The following LRP1B variants were observed in gnomAD, a reference collection of about 807,000 sequenced individuals.
LRP1B encodes the protein low-density lipoprotein receptor-related protein 1B.
In LRP1B, 217 loss-of-function variants were observed where a neutral mutation model predicts 556.6. The observed-to-expected ratio is 0.39, with a 90% confidence interval of 0.35 to 0.44. The LOEUF is 0.44. LRP1B is among the 20% of genes least tolerant of loss of function. The pLI, the probability that LRP1B is intolerant of heterozygous loss-of-function variation, is 1.00. For missense variants in LRP1B, 5,053 were observed against 5,620.8 expected, an observed-to-expected ratio of 0.90 and a Z score of 3.23; for synonymous variants, 2,047 against 1,865.8, an observed-to-expected ratio of 1.10 and a Z score of -2.50.
At chr2:140,348,490 T>C (rs1312349189) in intron 77 of LRP1B, among the ~76,000 whole-genome samples, 2 of 152,092 alleles carry the variant, frequency 1.3e-5, no homozygotes, top group African/African-American at 4.8e-5. Context: ...GCACTCCTAC[T>C]GTTATGCATT....
At chr2:141,544,210 TC>T (rs1685372218) in intron 2 of LRP1B, among the ~76,000 whole-genome samples, 1 of 152,100 alleles carries the variant, frequency 6.6e-6, no homozygotes, top group African/African-American at 2.4e-5. Context: ...ATAGGTCTAG[TC>T]ATCATAATTT....
At chr2:140,721,970 G>C (rs907740409) in intron 35 of LRP1B, among the ~76,000 whole-genome samples, 1 of 151,986 alleles carries the variant, frequency 6.6e-6, no homozygotes, top group Non-Finnish European at 1.5e-5. Context: ...CCACTACCTT[G>C]ATCAAGATAT....
chr2:140,378,096 G>T, intron 68 of LRP1B, 84 bp downstream of exon 68: 2 of 868,650 alleles, frequency 2.3e-6, no homozygotes, highest in Non-Finnish European at 3.7e-6. Flanking sequence ...AGCTGTCCTT[G>T]CCGCACTTAT....
At chr2:140,836,780 A>G (rs866330051) in intron 31 of LRP1B, among the ~76,000 whole-genome samples, 2 of 152,210 alleles carry the variant, frequency 1.3e-5, no homozygotes, top group Admixed American at 6.5e-5. Flanking sequence ...TTGCATTTAT[A>G]TATGGACAAC....
intron 18 of LRP1B, among the ~76,000 whole-genome samples, chr2:140,953,886 C>G (rs1458658823): frequency 2.0e-5 from 3 of 152,180 alleles, no homozygotes. Context: ...ATCCAGCACT[C>G]TTTGTACTAC....
At chr2:140,575,656 G>T (rs886391515) in intron 43 of LRP1B, among the ~76,000 whole-genome samples, 2 of 152,100 alleles carry the variant, frequency 1.3e-5, no homozygotes. Flanking sequence ...GGGCGCTGTG[G>T]TTCATGCCTG....
At chr2:141,637,510 A>G (rs893573967) in intron 2 of LRP1B, among the ~76,000 whole-genome samples, 1 of 152,192 alleles carries the variant, frequency 6.6e-6, no homozygotes, top group African/African-American at 2.4e-5. Context: ...TCTGCTATTT[A>G]TATTTTGAAA....
chr2:141,529,110 G>T (rs1327750031), intron 2 of LRP1B, among the ~76,000 whole-genome samples: 1 of 152,182 alleles, frequency 6.6e-6, no homozygotes, highest in Non-Finnish European at 1.5e-5. Flanking sequence ...GTGAAGCCTG[G>T]CCTGTGGCCT....
chr2:141,451,623 C>T (rs7597816), intron 3 of LRP1B, among the ~76,000 whole-genome samples: 47 of 151,932 alleles, frequency 3.1e-4, no homozygotes, highest in African/African-American at 1.0e-3. Flanking sequence ...AGAAGTTATA[C>T]GTTATAAAAA....
intron 20 of LRP1B, among the ~76,000 whole-genome samples, chr2:140,939,805 AT>A (rs200339434): frequency 0.031 from 4,694 of 151,770 alleles, 116 homozygotes; most frequent in Middle Eastern, 0.062. Context: ...TTTAGTTGCA[AT>A]TAGAAAATAC....
At position 141,229,445 on chromosome 2, in the gene LRP1B, A is replaced by T; in HGVS notation, c.593-5T>A. The T allele has an allele frequency of 6.6e-7, 1 of 1,526,270 alleles. No homozygotes were observed. Among genetic ancestry groups the T allele is most frequent in the Non-Finnish European group, 8.9e-7 (1 of 1,118,012 alleles). 94.5% of individuals were successfully genotyped at this position (1,526,270 alleles called of 1,614,324 possible). On this transcript the variant is annotated splice_region_variant and splice_polypyrimidine_tract_variant and intron_variant, in intron 5 of 90. Transcript: ENST00000389484. ...TAGGTGGTCTATCTGTAGGTTCTGG[A>T]ATAAAATAGAAAAAGAGAAGTAAAT...
chr2:141,642,061 T>C (rs1013163160), intron 2 of LRP1B, among the ~76,000 whole-genome samples: 1 of 152,112 alleles, frequency 6.6e-6, no homozygotes, highest in Non-Finnish European at 1.5e-5. Context: ...ATTTCCGCTC[T>C]GCCATTTACT....
At chr2:141,934,517 A>G (rs1427983138) in intron 1 of LRP1B, among the ~76,000 whole-genome samples, 1 of 152,194 alleles carries the variant, frequency 6.6e-6, no homozygotes, top group Non-Finnish European at 1.5e-5. Flanking sequence ...AGTTCTTTAA[A>G]AAATTCAGAG....
chr2:141,469,458 A>C (rs953536618), intron 3 of LRP1B, among the ~76,000 whole-genome samples: 14 of 151,900 alleles, frequency 9.2e-5, no homozygotes, highest in Admixed American at 6.6e-5. Flanking sequence ...AGAAAGTCCA[A>C]GATCAAGGTA....
At chr2:140,956,628 T>C (rs993459212) in intron 18 of LRP1B, among the ~76,000 whole-genome samples, 9 of 151,870 alleles carry the variant, frequency 5.9e-5, no homozygotes, top group South Asian at 2.1e-4. Context: ...AATGATCCAA[T>C]AGAGTAAATG....
At chr2:140,788,271 T>G (rs1217379804) in intron 32 of LRP1B, among the ~76,000 whole-genome samples, 3 of 152,220 alleles carry the variant, frequency 2.0e-5, no homozygotes, top group Admixed American at 1.3e-4. Context: ...ATACTGATTC[T>G]GCTACATAAA....
intron 72 of LRP1B, among the ~76,000 whole-genome samples, chr2:140,363,842 C>A (rs1682629179): frequency 6.6e-6 from 1 of 151,592 alleles, no homozygotes; most frequent in Non-Finnish European, 1.5e-5. Flanking sequence ...TAAGTACGTA[C>A]ACTCATGCTG....
chr2:141,665,009 T>C lies in LRP1B; in HGVS notation c.205+145270A>G, dbSNP rs1690371714. Among the ~76,000 whole-genome samples, 3 of 152,064 alleles carry C rather than the reference T, an allele frequency of 2.0e-5. No individual in the cohort carries two copies. The South Asian group carries it at 6.2e-4, about 32-fold the overall frequency. On this transcript the variant is annotated intron_variant, in intron 2 of 90. Transcript: ENST00000389484. Reference sequence around the variant, plus strand: ...CATGGTACTGGTACAAAAACAGACATATAAGCCAATGGAACAGAACAGAGA... The same window carrying C: ...CATGGTACTGGTACAAAAACAGACACATAAGCCAATGGAACAGAACAGAGA...
At chr2:141,006,247 C>T (rs895346614) in intron 14 of LRP1B, among the ~76,000 whole-genome samples, 8 of 151,968 alleles carry the variant, frequency 5.3e-5, no homozygotes, top group Non-Finnish European at 1.0e-4. Context: ...GGGTAATTGG[C>T]ATATCCATAA....
Sources: allele counts gnomAD v4.1 joint callset (sites outside exome capture counted in the v4.1 genomes callset), GRCh38; gene constraint gnomAD v4.1.1; transcripts MANE v1.5; gene names NCBI Gene and HGNC (gene_info 2026-07-23, HGNC 2026-07-21).